Variants in AGXT2 observed in about 807,000 individuals in gnomAD.
AGXT2 encodes the protein alanine--glyoxylate aminotransferase 2, mitochondrial.
In AGXT2, 61 loss-of-function variants were observed where a neutral mutation model predicts 62.5. The ratio of observed to expected loss-of-function variants is 0.98; its 90% CI spans 0.79 to 1.21. The LOEUF is 1.21. AGXT2 is among the 50% of genes most tolerant of loss of function. The pLI is 0.00. For synonymous variants in AGXT2, 243 were observed against 218.7 expected (o/e 1.11, Z -0.98); for missense variants, 666 against 641.5 (o/e 1.04, Z -0.41).
In AGXT2 at chr5:35,012,942, G is replaced by T. The variant is rs773968211; in HGVS notation, c.1188+12C>A. 24 of 1,551,250 alleles carry T rather than the reference G, an allele frequency of 1.5e-5. No individual in the cohort carries two copies. In the South Asian group the frequency reaches 2.4e-4, roughly 15 times the overall value. ...TGAAATGAGTGAGGTTAATGTGGCC[G>T]CTGGAACCAACCTCAAGCACAGCAG... On this transcript the variant is annotated intron_variant, in intron 11 of 13. Transcript: ENST00000231420.
At chr5:35,045,440 T>A (rs1768151371) in intron 1 of AGXT2, among the ~76,000 whole-genome samples, 1 of 152,158 alleles carries the variant, frequency 6.6e-6, no homozygotes, top group Admixed American at 6.5e-5. Flanking sequence ...ACATATATAT[T>A]TTTACATATT....
chr5:35,005,756 A>G (rs1766397022), intron 12 of AGXT2, among the ~76,000 whole-genome samples: 1 of 151,956 alleles, frequency 6.6e-6, no homozygotes, highest in African/African-American at 2.4e-5. Context: ...CCTGTGCCCC[A>G]ACTGCTTGAT....
rs753181049 is a variant in AGXT2 at position 35,032,803 on chromosome 5, C to T, written c.698G>A (p.Arg233His). The change falls in exon 7 of 14, where the codon CGT (arginine) becomes CAT (histidine). Residue 233 changes from arginine (R) to histidine (H), a missense_variant. Transcript: ENST00000231420. Reference protein sequence around the residue: ...CQPTMCPDVFRGPWGGSHCRD... With the variant: ...CQPTMCPDVFHGPWGGSHCRD... ...ACAGTGGCTTCCTCCCCAAGGGCCA[C>T]GAAAAACATCTGGACACATTGTCTG... 1.3e-5 allele frequency: 21 copies of T among 1,606,404 alleles called. No individual in the cohort carries two copies. The Admixed American group carries it at 1.5e-4, about 12-fold the overall frequency.
intron 1 of AGXT2, 81 bp downstream of exon 1, chr5:35,047,724 C>G: frequency 6.5e-7 from 1 of 1,542,124 alleles, no homozygotes; most frequent in Non-Finnish European, 8.8e-7. Context: ...ATTCCAGAAT[C>G]CCAGGCAGCA....
At chr5:35,030,325 T>C (rs940607011) in intron 7 of AGXT2, among the ~76,000 whole-genome samples, 1 of 152,116 alleles carries the variant, frequency 6.6e-6, no homozygotes, top group Admixed American at 6.5e-5. Flanking sequence ...CTGGCCAACA[T>C]GGTGAAACCC....
chr5:35,042,026 T>C (rs1264532929), intron 1 of AGXT2, among the ~76,000 whole-genome samples: 10 of 152,184 alleles, frequency 6.6e-5, no homozygotes, highest in Admixed American at 6.5e-4. Flanking sequence ...GTTGTGCTTC[T>C]GAGATGGAAA....
rs1404762100 is a variant in AGXT2 at position 35,020,524 on chromosome 5, C to A, written c.963+5239G>T. On this transcript the variant is annotated intron_variant, in intron 9 of 13. Coordinates refer to ENST00000231420, the MANE Select transcript of AGXT2 (RefSeq NM_031900.4). ...AAAGGCCTTTGACAAAATTCAACAACCCTTCATGCTAAAAACTCTCAATAA... is the reference window on the plus strand; with the variant it reads ...AAAGGCCTTTGACAAAATTCAACAAACCTTCATGCTAAAAACTCTCAATAA... Among the ~76,000 whole-genome samples, 9 of 152,040 alleles carry A rather than the reference C, an allele frequency of 5.9e-5. No individual in the cohort carries two copies. The East Asian group carries it at 1.5e-3, about 26-fold the overall frequency.
At chr5:35,009,557 C>T (rs537651731) in intron 12 of AGXT2, among the ~76,000 whole-genome samples, 1 of 152,196 alleles carries the variant, frequency 6.6e-6, no homozygotes, top group African/African-American at 2.4e-5. Context: ...GATCGTACCA[C>T]TGCACTCCCA....
intron 12 of AGXT2, among the ~76,000 whole-genome samples, chr5:35,006,590 G>T (rs563066019): frequency 6.6e-6 from 1 of 152,094 alleles, no homozygotes; most frequent in South Asian, 2.1e-4. Context: ...TGAGGAATCC[G>T]CCCCCATGAT....
chr5:35,015,885 C>A (rs1432311481), intron 9 of AGXT2, among the ~76,000 whole-genome samples: 1 of 147,968 alleles, frequency 6.8e-6, no homozygotes, highest in Non-Finnish European at 1.5e-5. Flanking sequence ...AGTGAGCCTC[C>A]TTTTCAGATT....
intron 12 of AGXT2, among the ~76,000 whole-genome samples, chr5:35,009,539 T>C (rs1766549455): frequency 6.6e-6 from 1 of 152,096 alleles, no homozygotes; most frequent in Non-Finnish European, 1.5e-5. Flanking sequence ...GAGGTTGCAG[T>C]GAGCCAAGAT....
Position 35,012,738 on chromosome 5 carries a change from T to A in AGXT2, c.1188+216A>T, listed in dbSNP as rs567644394. On this transcript the variant is annotated intron_variant, in intron 11 of 13. Coordinates refer to ENST00000231420, the MANE Select transcript of AGXT2 (RefSeq NM_031900.4). ...TATTTCCCATGTATGTGAGGTTTAT[T>A]ATATATTATTTCTTATCCAATACTT... 39 of 570,654 alleles carry A rather than the reference T, an allele frequency of 6.8e-5. No individual in the cohort carries two copies. The South Asian group carries it at 7.8e-4, about 11-fold the overall frequency. 35.3% of individuals were successfully genotyped at this position (570,654 alleles called of 1,614,324 possible).
At chr5:35,011,814 C>A in intron 11 of AGXT2, among the ~76,000 whole-genome samples, 1 of 151,818 alleles carries the variant, frequency 6.6e-6, no homozygotes, top group Non-Finnish European at 1.5e-5. Context: ...AAAAAGACAC[C>A]TGCACATATA....
intron 7 of AGXT2, chr5:35,026,882 GATTTA>G: frequency 1.0e-6 from 1 of 985,182 alleles, no homozygotes; most frequent in Non-Finnish European, 1.2e-6. Flanking sequence ...TAATTAGAGC[GATTTA>G]ATTTATTTGA....
At chr5:35,025,452 G>A (rs1353582095) in intron 9 of AGXT2, among the ~76,000 whole-genome samples, 1 of 152,136 alleles carries the variant, frequency 6.6e-6, no homozygotes, top group Non-Finnish European at 1.5e-5. Flanking sequence ...GTCAGCCCCT[G>A]AAACAATCCC....
intron 13 of AGXT2, among the ~76,000 whole-genome samples, chr5:35,001,809 C>G (rs1443384893): frequency 1.3e-5 from 1 of 76,080 alleles, no homozygotes; most frequent in East Asian, 2.5e-4. Context: ...GCCTAGAAGT[C>G]CCTTCTCTTT....
chr5:35,029,144 G>A (rs1412301350), intron 7 of AGXT2, among the ~76,000 whole-genome samples: 2 of 152,148 alleles, frequency 1.3e-5, no homozygotes, highest in African/African-American at 2.4e-5. Context: ...TATGTTTTTG[G>A]CATCACTTGT....
chr5:35,035,739 G>A lies in AGXT2; in HGVS notation c.487-423C>T, dbSNP rs73088782. On this transcript the variant is annotated intron_variant, in intron 4 of 13. Transcript: ENST00000231420. Reference sequence around the variant, plus strand: ...AGGACCTCTGACTCTGCAACTCCAGGGGTTGTCCCAGCCTGACTATGCTGT... The same window carrying A: ...AGGACCTCTGACTCTGCAACTCCAGAGGTTGTCCCAGCCTGACTATGCTGT... Among the ~76,000 whole-genome samples the A allele has an allele frequency of 2.4e-3, 370 of 152,286 alleles. 1 individual carries two copies. The highest frequency in any genetic ancestry group is 8.5e-3 in the African/African-American group (354 of 41,556).
chr5:35,020,418 T>C (rs1445181375), intron 9 of AGXT2, among the ~76,000 whole-genome samples: 1 of 152,196 alleles, frequency 6.6e-6, no homozygotes, highest in Non-Finnish European at 1.5e-5. Context: ...GCTGGTTCAA[T>C]ATATGCAAAT....
Sources: gnomAD v4.1 joint callset for allele counts (sites outside exome capture counted in the v4.1 genomes callset) on GRCh38, gnomAD v4.1.1 for gene constraint, MANE v1.5 for transcripts, NCBI Gene and HGNC (gene_info 2026-07-23, HGNC 2026-07-21) for gene names.